LSAMP: variants seen among roughly 807,000 people sequenced by gnomAD.
LSAMP encodes limbic system-associated membrane protein.
A neutral mutation model predicts 38.6 loss-of-function variants in LSAMP; 7 were observed. The ratio of observed to expected loss-of-function variants is 0.18; its 90% CI spans 0.10 to 0.34. The LOEUF (loss-of-function observed/expected upper bound fraction) is 0.34. Ranked by LOEUF, LSAMP falls within the 10% of genes least tolerant of loss-of-function variation. The pLI, the probability that LSAMP is intolerant of heterozygous loss-of-function variation, is 1.00. For missense variants in LSAMP, 313 were observed against 420.0 expected, an observed-to-expected ratio of 0.75 and a Z score of 2.23; for synonymous variants, 154 against 166.8, an observed-to-expected ratio of 0.92 and a Z score of 0.59.
chr3:116,028,505 A>T (rs1004488513), intron 2 of LSAMP, among the ~76,000 whole-genome samples: 1 of 152,180 alleles, frequency 6.6e-6, no homozygotes, highest in African/African-American at 2.4e-5. Flanking sequence ...ACCAAACTAT[A>T]ACAAATTATT....
intron 3 of LSAMP, among the ~76,000 whole-genome samples, chr3:115,889,532 C>G (rs1576188437): frequency 1.3e-5 from 2 of 152,000 alleles, no homozygotes; most frequent in African/African-American, 4.8e-5. Flanking sequence ...GAACACAGCA[C>G]TGGATTAAAT....
At chr3:116,083,797 G>C (rs1707926371) in intron 2 of LSAMP, among the ~76,000 whole-genome samples, 1 of 152,174 alleles carries the variant, frequency 6.6e-6, no homozygotes, top group East Asian at 1.9e-4. Context: ...CTGAAGAATG[G>C]AATAGAAATA....
chr3:115,955,235 T>C (rs1477594846), intron 3 of LSAMP, among the ~76,000 whole-genome samples: 1 of 152,188 alleles, frequency 6.6e-6, no homozygotes, highest in Non-Finnish European at 1.5e-5. Context: ...CGCCTGGCCA[T>C]GTTTTTGATA....
At position 116,165,803 on chromosome 3, in the gene LSAMP, G is replaced by A. The variant is rs543329189; in HGVS notation, c.156-79247C>T. 3.9e-5 allele frequency among the ~76,000 whole-genome samples: 6 copies of A among 152,184 alleles called. No individual in the cohort carries two copies. In the East Asian group the frequency reaches 1.2e-3, roughly 29 times the overall value. On this transcript the variant is annotated intron_variant, in intron 1 of 6. Coordinates refer to ENST00000490035, the MANE Select transcript of LSAMP (RefSeq NM_002338.5). The stretch of plus-strand genomic sequence containing the variant: ...TATGCCAAACTTCTTATCACCAGGG[G>A]CCTGCATGGCTGAGCCCTGGAATAT...
intron 1 of LSAMP, among the ~76,000 whole-genome samples, chr3:116,319,843 C>T (rs2047683972): frequency 6.6e-6 from 1 of 150,716 alleles, no homozygotes; most frequent in African/African-American, 2.4e-5. Flanking sequence ...TAGCTCAAAG[C>T]AATAGCAGCT....
chr3:116,273,683 C>CAGATAT (rs150705226), intron 1 of LSAMP, among the ~76,000 whole-genome samples: 23,336 of 50,496 alleles, frequency 0.46, 5,896 homozygotes, highest in South Asian at 0.57. Context: ...GAGAAAGAGG[C>CAGATAT]ATATATATAT....
chr3:116,110,364 C>A (rs915369529), intron 1 of LSAMP, among the ~76,000 whole-genome samples: 2 of 152,162 alleles, frequency 1.3e-5, no homozygotes, highest in Admixed American at 1.3e-4. Context: ...GGTGAAGGAC[C>A]AAGGCAGGCA....
chr3:115,904,891 T>A (rs1187894881), intron 3 of LSAMP, among the ~76,000 whole-genome samples: 1 of 151,404 alleles, frequency 6.6e-6, no homozygotes, highest in African/African-American at 2.4e-5. Flanking sequence ...CTAGGTTTTG[T>A]TGGTCCCTCT....
intron 3 of LSAMP, among the ~76,000 whole-genome samples, chr3:115,919,887 G>A (rs1326936138): frequency 1.3e-5 from 2 of 152,104 alleles, no homozygotes; most frequent in South Asian, 2.1e-4. Context: ...GATTACAGGC[G>A]TGAGCCACCC....
intron 1 of LSAMP, among the ~76,000 whole-genome samples, chr3:116,221,922 ATTC>A (rs2046290870): frequency 6.7e-6 from 1 of 149,808 alleles, no homozygotes; most frequent in Admixed American, 6.7e-5. Context: ...TTTTCTGTTT[ATTC>A]TTCTCAAAAG....
intron 1 of LSAMP, among the ~76,000 whole-genome samples, chr3:116,407,214 C>CT (rs2048908675): frequency 6.6e-6 from 1 of 152,006 alleles, no homozygotes; most frequent in African/African-American, 2.4e-5. Flanking sequence ...TGTCTATACC[C>CT]TATAATATAT....
chr3:115,859,036 A>G (rs926878573), intron 3 of LSAMP, among the ~76,000 whole-genome samples: 2 of 152,248 alleles, frequency 1.3e-5, no homozygotes, highest in Non-Finnish European at 2.9e-5. Context: ...AGAAAGAAAC[A>G]CAAGAAATCT....
intron 1 of LSAMP, among the ~76,000 whole-genome samples, chr3:116,207,119 T>C (rs1392165497): frequency 1.3e-5 from 2 of 152,272 alleles, no homozygotes; most frequent in Non-Finnish European, 2.9e-5. Context: ...TTAGAATAGT[T>C]AGCTCTTCTT....
intron 1 of LSAMP, among the ~76,000 whole-genome samples, chr3:116,185,872 G>A (rs1411678579): frequency 6.7e-6 from 1 of 148,854 alleles, no homozygotes; most frequent in Non-Finnish European, 1.5e-5. Context: ...TGGGGTAAAA[G>A]GCGGGAAGGA....
chr3:116,248,385 T>C (rs1025275288), intron 1 of LSAMP, among the ~76,000 whole-genome samples: 2 of 152,004 alleles, frequency 1.3e-5, no homozygotes, highest in African/African-American at 4.8e-5. Context: ...ACCTGTAATC[T>C]CAACTACTCA....
rs185133477 is a variant in LSAMP at position 115,928,473 on chromosome 3, T to G, written c.515-75856A>C. On this transcript the variant is annotated intron_variant, in intron 3 of 6. Transcript: ENST00000490035. ...TGGGTTATAAAAAAGGCTTACACCGTATTTCCTTTGCTAAAATGTAAATGT... is the reference window on the plus strand; with the variant it reads ...TGGGTTATAAAAAAGGCTTACACCGGATTTCCTTTGCTAAAATGTAAATGT... Among the ~76,000 whole-genome samples, 101 of 152,362 alleles carry G rather than the reference T, an allele frequency of 6.6e-4. 1 individual carries two copies. The highest frequency in any genetic ancestry group is 5.8e-3 in the Admixed American group (88 of 15,294).
chr3:116,075,155 T>A (rs1391939628), intron 2 of LSAMP, among the ~76,000 whole-genome samples: 2 of 149,678 alleles, frequency 1.3e-5, no homozygotes, highest in South Asian at 2.1e-4. Flanking sequence ...TTTTTTTTTT[T>A]GAGAGAGAGT....
At chr3:116,190,692 C>T in intron 1 of LSAMP, among the ~76,000 whole-genome samples, 1 of 152,150 alleles carries the variant, frequency 6.6e-6, no homozygotes, top group East Asian at 1.9e-4. Flanking sequence ...TAAATGGGAT[C>T]ATAACATTTT....
chr3:115,968,747 C>T (rs928211604), intron 3 of LSAMP, among the ~76,000 whole-genome samples: 3 of 152,200 alleles, frequency 2.0e-5, no homozygotes, highest in African/African-American at 7.2e-5. Flanking sequence ...TGGGTCTGAG[C>T]TTAGCACAGC....
Sources: gnomAD v4.1 joint callset for allele counts (sites outside exome capture counted in the v4.1 genomes callset) on GRCh38, gnomAD v4.1.1 for gene constraint, MANE v1.5 for transcripts, NCBI Gene and HGNC (gene_info 2026-07-23, HGNC 2026-07-21) for gene names.